GRID2: variants seen among roughly 807,000 people sequenced by gnomAD.
The protein encoded by GRID2 is glutamate receptor ionotropic, delta-2.
GRID2 carries 33 observed loss-of-function variants against 114.8 expected under a neutral mutation model. That is an observed-to-expected ratio of 0.29 (90% CI 0.22 to 0.38). The LOEUF (loss-of-function observed/expected upper bound fraction) is 0.38. Ranked by LOEUF, GRID2 falls within the 10% of genes least tolerant of loss-of-function variation. The pLI is 1.00. For synonymous variants in GRID2, 505 were observed against 449.9 expected (o/e 1.12, Z -1.55); for missense variants, 1,184 against 1,257.7 (o/e 0.94, Z 0.89).
chr4:93,299,237 T>TC (rs1754616552), intron 8 of GRID2, among the ~76,000 whole-genome samples: 1 of 152,090 alleles, frequency 6.6e-6, no homozygotes, highest in African/African-American at 2.4e-5. Context: ...TTCAGGTAGT[T>TC]CAGGCCCTGA....
intron 8 of GRID2, among the ~76,000 whole-genome samples, chr4:93,346,027 T>C (rs1439725486): frequency 6.6e-6 from 1 of 152,190 alleles, no homozygotes; most frequent in Non-Finnish European, 1.5e-5. Context: ...GCCAACACCA[T>C]GCTGTTTTAA....
intron 2 of GRID2, among the ~76,000 whole-genome samples, chr4:92,942,584 T>A (rs1751244055): frequency 6.6e-6 from 1 of 152,194 alleles, no homozygotes; most frequent in African/African-American, 2.4e-5. Context: ...AGGTTCCTAT[T>A]GTTATGTGTG....
chr4:92,380,683 C>T (rs6532368), intron 1 of GRID2, among the ~76,000 whole-genome samples: 142,702 of 152,076 alleles, frequency 0.94, 67,053 homozygotes, highest in East Asian at 1. Context: ...TTTCAGATTA[C>T]CAAATTTGTT....
chr4:93,468,546 C>G, intron 11 of GRID2, among the ~76,000 whole-genome samples: 1 of 151,988 alleles, frequency 6.6e-6, no homozygotes, highest in East Asian at 1.9e-4. Flanking sequence ...AAGGAATATA[C>G]TTTATAGATA....
chr4:93,092,261 G>A (rs1730856261), intron 3 of GRID2, among the ~76,000 whole-genome samples: 1 of 152,120 alleles, frequency 6.6e-6, no homozygotes, highest in South Asian at 2.1e-4. Context: ...AAATGGTCCA[G>A]TGAGCTGAAA....
At chr4:93,800,161 C>A (rs1734900133) in intron 1 of GRID2, among the ~76,000 whole-genome samples, 1 of 152,094 alleles carries the variant, frequency 6.6e-6, no homozygotes, top group South Asian at 2.1e-4. Context: ...ACAATGGTAA[C>A]CATAGCAAGG....
At chr4:93,395,747 G>T in intron 9 of GRID2, 39 bp downstream of exon 9, 1 of 865,590 alleles carries the variant, frequency 1.2e-6, no homozygotes, top group Non-Finnish European at 2.0e-6. Context: ...GACTTTTGGA[G>T]GTTACTTTAT....
intron 11 of GRID2, among the ~76,000 whole-genome samples, chr4:93,488,409 C>A (rs1398545586): frequency 6.6e-6 from 1 of 151,706 alleles, no homozygotes; most frequent in Admixed American, 6.6e-5. Flanking sequence ...TAGAATATAA[C>A]CAAAGGGTGT....
intron 8 of GRID2, among the ~76,000 whole-genome samples, chr4:93,381,264 A>G (rs537701977): frequency 1.3e-4 from 20 of 152,174 alleles, no homozygotes; most frequent in African/African-American, 4.1e-4. Context: ...GGCAACTGCT[A>G]TTCTTTCTGT....
intron 8 of GRID2, among the ~76,000 whole-genome samples, chr4:93,293,370 A>G (rs879751531): frequency 2.8e-4 from 42 of 152,178 alleles, no homozygotes; most frequent in Non-Finnish European, 1.5e-4. Flanking sequence ...AATAAACTTT[A>G]TGGAATAAGA....
intron 1 of GRID2, among the ~76,000 whole-genome samples, chr4:93,801,533 G>A (rs372443826): frequency 2.0e-5 from 3 of 152,006 alleles, no homozygotes; most frequent in East Asian, 3.9e-4. Context: ...TTACACAAAT[G>A]GATTTACTGA....
intron 3 of GRID2, among the ~76,000 whole-genome samples, chr4:93,090,582 C>T (rs548313188): frequency 6.6e-6 from 1 of 152,284 alleles, no homozygotes; most frequent in South Asian, 2.1e-4. Flanking sequence ...CCACAGGATT[C>T]ACAGATATTG....
intron 14 of GRID2, among the ~76,000 whole-genome samples, chr4:93,663,491 A>G (rs190886396): frequency 3.9e-4 from 59 of 152,148 alleles, no homozygotes; most frequent in Admixed American, 9.8e-4. Context: ...TCCAAAATAC[A>G]TATGTATGTA....
chr4:92,693,214 G>A (rs1734264214), intron 2 of GRID2, among the ~76,000 whole-genome samples: 1 of 152,010 alleles, frequency 6.6e-6, no homozygotes, highest in Admixed American at 6.6e-5. Flanking sequence ...AAATGTGAAT[G>A]TAGAGAATTT....
At chr4:93,456,464 A>G (rs960551952) in intron 11 of GRID2, among the ~76,000 whole-genome samples, 3 of 152,162 alleles carry the variant, frequency 2.0e-5, no homozygotes, top group African/African-American at 4.8e-5. Context: ...TTTGTGTTTT[A>G]TCTTTTACTT....
At chr4:93,053,034 T>C (rs948246178) in intron 2 of GRID2, among the ~76,000 whole-genome samples, 6 of 151,892 alleles carry the variant, frequency 4.0e-5, no homozygotes, top group African/African-American at 1.2e-4. Flanking sequence ...TCAGGTACCA[T>C]CGGTGGAAGA....
intron 2 of GRID2, among the ~76,000 whole-genome samples, chr4:92,738,233 G>A (rs1736698136): frequency 1.3e-5 from 2 of 152,076 alleles, no homozygotes; most frequent in African/African-American, 4.8e-5. Flanking sequence ...TTTGAGAAAA[G>A]TTAACTTGTA....
chr4:92,920,934 G>C (rs1254687800), intron 2 of GRID2, among the ~76,000 whole-genome samples: 1 of 152,160 alleles, frequency 6.6e-6, no homozygotes, highest in Non-Finnish European at 1.5e-5. Flanking sequence ...ATAATATCCT[G>C]CAGAGTGTTT....
chr4:93,570,714 G>T (rs1735856159), intron 13 of GRID2, among the ~76,000 whole-genome samples: 2 of 151,978 alleles, frequency 1.3e-5, no homozygotes, highest in Non-Finnish European at 2.9e-5. Flanking sequence ...TAAAAATAAA[G>T]CAATAAAGTA....
Sources: allele counts gnomAD v4.1 joint callset (sites outside exome capture counted in the v4.1 genomes callset), GRCh38; gene constraint gnomAD v4.1.1; transcripts MANE v1.5; gene names NCBI Gene and HGNC (gene_info 2026-07-23, HGNC 2026-07-21).